The following TCAIM variants were observed in gnomAD, a reference collection of about 807,000 sequenced individuals.
The protein encoded by TCAIM is T cell activation inhibitor, mitochondrial.
A neutral mutation model predicts 58.6 loss-of-function variants in TCAIM; 36 were observed. The ratio of observed to expected loss-of-function variants is 0.61; its 90% confidence interval spans 0.47 to 0.81. The LOEUF (loss-of-function observed/expected upper bound fraction) is 0.81. Among genes scored for constraint, TCAIM ranks in the 30% least tolerant of loss-of-function variants. TCAIM has a pLI of 0.00. For synonymous variants in TCAIM, 172 were observed against 193.6 expected, an observed-to-expected ratio of 0.89 and a Z score of 0.93; for missense variants, 466 against 579.6, an observed-to-expected ratio of 0.80 and a Z score of 2.01.
intron 1 of TCAIM, among the ~76,000 whole-genome samples, chr3:44,346,376 A>G (rs1700968436): frequency 6.6e-6 from 1 of 152,142 alleles, no homozygotes; most frequent in Non-Finnish European, 1.5e-5. Context: ...CCCTGTGGGA[A>G]AGGCGTCTAC....
intron 1 of TCAIM, among the ~76,000 whole-genome samples, chr3:44,339,429 G>C (rs978484781): frequency 1.3e-5 from 2 of 152,322 alleles, no homozygotes; most frequent in East Asian, 3.9e-4. Context: ...CTCGGTGTTA[G>C]TTGAAAGTAA....
chr3:44,370,661 G>T (rs1701450329), intron 5 of TCAIM, among the ~76,000 whole-genome samples: 1 of 149,220 alleles, frequency 6.7e-6, no homozygotes, highest in Non-Finnish European at 1.5e-5. Context: ...CAGTAGATAG[G>T]TTTTTTGTTT....
intron 6 of TCAIM, 111 bp from the exon 7 acceptor site, chr3:44,396,289 G>A (rs28439262): frequency 0.14 from 108,204 of 778,580 alleles, 7,949 homozygotes; most frequent in Admixed American, 0.17. Flanking sequence ...TTATGTGTGT[G>A]CTTCAAAAAG....
intron 5 of TCAIM, among the ~76,000 whole-genome samples, chr3:44,368,880 A>G (rs1701421139): frequency 6.6e-6 from 1 of 152,138 alleles, no homozygotes; most frequent in South Asian, 2.1e-4. Flanking sequence ...AAATTTAGCC[A>G]GGCATGGTGG....
chr3:44,378,586 G>A lies in TCAIM; in HGVS notation c.572+10878G>A, dbSNP rs114910724. 4.6e-3 allele frequency among the ~76,000 whole-genome samples: 695 copies of A among 151,982 alleles called. 5 individuals are homozygous for A. The highest frequency in any genetic ancestry group is 0.015 in the African/African-American group (619 of 41,448). On this transcript the variant is annotated intron_variant, in intron 5 of 10. Coordinates refer to ENST00000342649, the MANE Select transcript of TCAIM (RefSeq NM_173826.4). ...TAATCCCAGTGCTTTGGGAGGCTAA[G>A]GCAGGCGAATCAAAGGCTGTTCAAG...
chr3:44,383,551 A>AG (rs1186476393), intron 5 of TCAIM, among the ~76,000 whole-genome samples: 1 of 152,252 alleles, frequency 6.6e-6, no homozygotes, highest in South Asian at 2.1e-4. Context: ...AGGGAGGGGA[A>AG]GGGGGCGTTA....
At chr3:44,385,519 A>T (rs998221032) in intron 5 of TCAIM, among the ~76,000 whole-genome samples, 1 of 152,192 alleles carries the variant, frequency 6.6e-6, no homozygotes, top group African/African-American at 2.4e-5. Flanking sequence ...AGGTGGGCAG[A>T]TCACAAGGTC....
chr3:44,345,626 G>A (rs758562542), intron 1 of TCAIM, among the ~76,000 whole-genome samples: 6 of 152,146 alleles, frequency 3.9e-5, no homozygotes, highest in Non-Finnish European at 8.8e-5. Flanking sequence ...GATTAGAAAC[G>A]GCTAGGAGAG....
chr3:44,357,938 A>G (rs1701229398), intron 3 of TCAIM, 62 bp downstream of exon 3: 2 of 1,557,452 alleles, frequency 1.3e-6, no homozygotes, highest in Non-Finnish European at 1.7e-6. Flanking sequence ...CTTTGATACA[A>G]TATAATACAT....
In TCAIM at chr3:44,355,646, G is replaced by A. The variant is rs548861066; in HGVS notation, c.29+835G>A. ...ATGATTTCATTGAACATTGTAAAGT[G>A]AGAAGACTTTACTAACTGATAGTGA... On this transcript the variant is annotated intron_variant, in intron 2 of 10. Coordinates refer to ENST00000342649, the MANE Select transcript of TCAIM (RefSeq NM_173826.4). 2.1e-4 allele frequency among the ~76,000 whole-genome samples: 32 copies of A among 152,318 alleles called. No homozygotes were observed. The East Asian group carries it at 2.5e-3, about 12-fold the overall frequency.
chr3:44,355,809 GA>G (rs1447115283), intron 2 of TCAIM, among the ~76,000 whole-genome samples: 1 of 152,196 alleles, frequency 6.6e-6, no homozygotes, highest in Non-Finnish European at 1.5e-5. Context: ...GCTGAATTTA[GA>G]AAGATAATAA....
intron 5 of TCAIM, among the ~76,000 whole-genome samples, chr3:44,372,422 G>T (rs1405897596): frequency 6.6e-6 from 1 of 152,014 alleles, no homozygotes; most frequent in Non-Finnish European, 1.5e-5. Flanking sequence ...TTTTATTCAT[G>T]TATTGTTTAA....
At position 44,373,847 on chromosome 3, in the gene TCAIM, A is replaced by G. The variant is rs1185797077; in HGVS notation, c.572+6139A>G. On this transcript the variant is annotated intron_variant, in intron 5 of 10. Coordinates refer to ENST00000342649, the MANE Select transcript of TCAIM (RefSeq NM_173826.4). ...TAAAACAAAAATGTACTTTAATTAT[A>G]TAGCTTGTATTTGAGAGGAGCTAAC... Among the ~76,000 whole-genome samples the G allele has an allele frequency of 3.3e-5, 5 of 152,340 alleles. No homozygotes were observed. In the East Asian group the frequency reaches 5.8e-4, roughly 18 times the overall value.
intron 5 of TCAIM, among the ~76,000 whole-genome samples, chr3:44,381,631 C>G (rs1402799688): frequency 1.3e-5 from 2 of 151,978 alleles, no homozygotes; most frequent in Admixed American, 6.6e-5. Context: ...AAGTCTTAGC[C>G]AGAGCAATTA....
Position 44,396,847 on chromosome 3 carries a change from C to T in TCAIM, c.885+13C>T, listed in dbSNP as rs1453606303. 1.2e-6 allele frequency: 2 copies of T among 1,609,538 alleles called. No homozygotes were observed. The highest frequency in any genetic ancestry group is 2.7e-5 in the African/African-American group (2 of 74,734). On this transcript the variant is annotated intron_variant, in intron 8 of 10. Transcript: ENST00000342649. ...CCACTGGACAAAAGTAAGAAAGAGC[C>T]TTAAAATTAAAAACTCCTTGTCATT...
At chr3:44,378,393 C>T (rs555959868) in intron 5 of TCAIM, among the ~76,000 whole-genome samples, 3 of 151,360 alleles carry the variant, frequency 2.0e-5, no homozygotes, top group Admixed American at 6.6e-5. Context: ...CCCTACCCCC[C>T]CAAAAAAAAA....
intron 8 of TCAIM, among the ~76,000 whole-genome samples, chr3:44,399,802 A>G (rs1701994033): frequency 6.6e-6 from 1 of 152,190 alleles, no homozygotes; most frequent in South Asian, 2.1e-4. Flanking sequence ...TTAGCATGCT[A>G]AATTCGGATT....
At chr3:44,394,391 A>G (rs1182804467) in intron 6 of TCAIM, among the ~76,000 whole-genome samples, 1 of 152,176 alleles carries the variant, frequency 6.6e-6, no homozygotes, top group Non-Finnish European at 1.5e-5. Flanking sequence ...AACTTTTCTA[A>G]CTAAAAATAG....
chr3:44,366,006 A>C (rs1012143674), intron 4 of TCAIM, among the ~76,000 whole-genome samples: 3 of 152,234 alleles, frequency 2.0e-5, no homozygotes, highest in African/African-American at 7.2e-5. Context: ...AGTTTTTTAA[A>C]AAAGCGAAGA....
Sources: allele counts gnomAD v4.1 joint callset (sites outside exome capture counted in the v4.1 genomes callset), GRCh38; gene constraint gnomAD v4.1.1; transcripts MANE v1.5; gene names NCBI Gene and HGNC (gene_info 2026-07-23, HGNC 2026-07-21).